CILP2: variants seen among roughly 807,000 people sequenced by gnomAD.
CILP2 encodes the protein cartilage intermediate layer protein 2, also known as CILP-2.
A neutral mutation model predicts 45.6 loss-of-function variants in CILP2; 38 were observed. That is an observed-to-expected ratio of 0.83 (90% confidence interval 0.64 to 1.09). CILP2 has a LOEUF of 1.09. Ranked by LOEUF, CILP2 falls within the 50% of genes least tolerant of loss-of-function variation. The pLI, the probability that CILP2 is intolerant of heterozygous loss-of-function variation, is 0.00. For synonymous variants in CILP2, 780 were observed against 723.5 expected (o/e 1.08, Z -1.25); for missense variants, 1,735 against 1,662.2 (o/e 1.04, Z -0.76).
Position 19,543,313 on chromosome 19 carries a change from G to A in CILP2, c.1043G>A (p.Gly348Glu), listed in dbSNP as rs756635511. The A allele has an allele frequency of 4.3e-6, 7 of 1,613,606 alleles. No individual in the cohort carries two copies. The highest frequency in any genetic ancestry group is 1.3e-5 in the African/African-American group (1 of 74,938). ...HGYGAHLELRGLRPDQAGIYH... is the reference protein window; with the variant it reads ...HGYGAHLELRELRPDQAGIYH... ...TACGGGGCCCACCTGGAGCTGCGGG[G>A]ACTGCGCCCAGACCAGGCTGGCATC... Residue 348 changes from glycine (G) to glutamate (E), a missense_variant, in exon 7 of 8, where the codon GGA becomes GAA. Transcript: ENST00000291495.
intron 3 of CILP2, 125 bp from the exon 4 acceptor site, chr19:19,540,966 A>G: frequency 1.1e-6 from 1 of 896,916 alleles, no homozygotes; most frequent in Non-Finnish European, 1.5e-6. Flanking sequence ...TGCTCTCTGG[A>G]GTGTCCGCCC....
At position 19,544,322 on chromosome 19, in the gene CILP2, A is replaced by C. The variant is rs1187679253; in HGVS notation, c.1777A>C (p.Arg593=). 6.2e-7 allele frequency: 1 copy of C among 1,612,420 alleles called. No homozygotes were observed. The highest frequency in any genetic ancestry group is 8.5e-7 in the Non-Finnish European group (1 of 1,179,942). ...ELVLPSGAFR[R]ADGKPYSGPV... is the part of the protein sequence containing the mutation. ...GGTCCTGCCTTCTGGCGCTTTCCGC[A>C]GAGCCGACGGCAAACCCTACTCGGG... The change falls in exon 8 of 8, where the codon AGA becomes CGA. Residue 593 remains arginine, a synonymous_variant. Coordinates refer to ENST00000291495, the MANE Select transcript of CILP2 (RefSeq NM_153221.2).
At chr19:19,542,833 A>G in intron 5 of CILP2, 31 bp from the exon 6 acceptor site, 1 of 1,585,304 alleles carries the variant, frequency 6.3e-7, no homozygotes, top group Non-Finnish European at 8.7e-7. Context: ...TGGGTGGGAG[A>G]AGCTCTGATC....
Position 19,540,305 on chromosome 19 carries a change from G to A in CILP2, c.265G>A (p.Val89Met), listed in dbSNP as rs1448957736. The A allele has an allele frequency of 1.9e-6, 3 of 1,587,054 alleles. No homozygotes were observed. Among genetic ancestry groups the A allele is most frequent in the Non-Finnish European group, 8.5e-7 (1 of 1,171,050 alleles). Residue 89 changes from valine (V) to methionine (M), a missense_variant, in exon 3 of 8, where the codon GTG becomes ATG. Coordinates refer to ENST00000291495, the MANE Select transcript of CILP2 (RefSeq NM_153221.2). The stretch of plus-strand genomic sequence containing the variant: ...CCGCTTCTACTACGGGCCAGCGCGC[G>A]TGTGCCCGCGACCGCTGGCGCTGGA... ...AIRFYYGPAR[V>M]CPRPLALEAR...
chr19:19,543,588 A>G (rs1171878221), intron 7 of CILP2, 93 bp from the exon 8 acceptor site: 1 of 1,398,956 alleles, frequency 7.1e-7, no homozygotes, highest in African/African-American at 1.4e-5. Flanking sequence ...CCTGTCCCTT[A>G]GGTGGAGTCC....
In CILP2 at chr19:19,544,436, G is replaced by T. The variant is rs1221475168; in HGVS notation, c.1891G>T (p.Asp631Tyr). The T allele has an allele frequency of 1.2e-5, 20 of 1,609,886 alleles. No individual in the cohort carries two copies. The highest frequency in any genetic ancestry group is 1.7e-5 in the Non-Finnish European group (20 of 1,179,680). ...CAGTGACCTGCGCTTCGTGGACAGC[G>T]ACGGCGAGCTGGCTCCACTGCGCAC... ...APSDLRFVDS[D>Y]GELAPLRTYG... Residue 631 changes from aspartate (D) to tyrosine (Y), a missense_variant, in exon 8 of 8, where the codon GAC becomes TAC. Physicochemically the swap from Asp to Tyr is radical, Grantham distance 160. Transcript: ENST00000291495.
chr19:19,538,379 C>G lies in CILP2; in HGVS notation c.30C>G (p.Leu10=), dbSNP rs2061230450. 8.3e-6 allele frequency: 13 copies of G among 1,573,216 alleles called. No homozygotes were observed. The highest frequency in any genetic ancestry group is 1.4e-5 in the African/African-American group (1 of 71,504). Residue 10 remains leucine, a synonymous_variant, in exon 1 of 8, where the codon CTC becomes CTG. Coordinates refer to ENST00000291495, the MANE Select transcript of CILP2 (RefSeq NM_153221.2). The part of the protein sequence containing the change: MASLLPLLC[L]CVVAAHLAGA... ...CGTCGCTGCTGCCACTGCTCTGTCT[C>G]TGTGTCGTCGCTGCGCACCTGGCGG... is the stretch of plus-strand genomic sequence containing the variant.
At chr19:19,540,689 G>C in intron 3 of CILP2, 2 of 588,406 alleles carry the variant, frequency 3.4e-6, no homozygotes, top group East Asian at 3.3e-5. Flanking sequence ...GGAACAGCGC[G>C]GGGCCCAAGT....
intron 4 of CILP2, among the ~76,000 whole-genome samples, chr19:19,542,167 T>C (rs1218161571): frequency 6.6e-6 from 1 of 152,180 alleles, no homozygotes; most frequent in Non-Finnish European, 1.5e-5. Flanking sequence ...TGGATCCCAG[T>C]TCCTATGCCC....
At chr19:19,542,274 G>A (rs1468330602) in intron 4 of CILP2, 101 bp from the exon 5 acceptor site, 8 of 1,407,968 alleles carry the variant, frequency 5.7e-6, no homozygotes, top group Non-Finnish European at 7.6e-6. Context: ...CTTATGGGGG[G>A]GCCCCAGGCA....
In CILP2 at chr19:19,543,871, T is replaced by A. The variant is rs1323009875; in HGVS notation, c.1326T>A (p.Arg442=). The A allele has an allele frequency of 6.2e-7, 1 of 1,613,824 alleles. No homozygotes were observed. Among genetic ancestry groups the A allele is most frequent in the East Asian group, 2.2e-5 (1 of 44,862 alleles). Residue 442 remains arginine (R), a synonymous_variant, in exon 8 of 8, where the codon CGT becomes CGA. Transcript: ENST00000291495. The stretch of plus-strand genomic sequence containing the variant: ...GCTCCCGCTGCTGCTCTGTGCGCCG[T>A]CTGGAGAGAAGGGAGATTCACTGCC... ...DASSRCCSVR[R]LERREIHCPG... is the part of the protein sequence containing the mutation.
At position 19,539,582 on chromosome 19, in the gene CILP2, G is replaced by T. The variant is rs886677283; in HGVS notation, c.65-97G>T. On this transcript the variant is annotated intron_variant, in intron 1 of 7. Coordinates refer to ENST00000291495, the MANE Select transcript of CILP2 (RefSeq NM_153221.2). Reference sequence around the variant, plus strand: ...CCGTCTCAAAAAAAAAAAAAAAAAGGGGGGGGATGATCGTGGCTGCACCTT... The same window carrying T: ...CCGTCTCAAAAAAAAAAAAAAAAAGTGGGGGGATGATCGTGGCTGCACCTT... The T allele has an allele frequency of 2.0e-3, 1,420 of 703,384 alleles. 11 individuals are homozygous for T. The highest frequency in any genetic ancestry group is 2.4e-3 in the Non-Finnish European group (1,102 of 463,236). 43.6% of individuals were successfully genotyped at this position (703,384 alleles called of 1,614,324 possible). A position where few individuals can be genotyped will look rare whatever the true frequency, so the allele number is the denominator to read the frequency against.
At chr19:19,540,943 G>T (rs1236864336) in intron 3 of CILP2, 148 bp from the exon 4 acceptor site, 1 of 738,460 alleles carries the variant, frequency 1.4e-6, no homozygotes, top group East Asian at 3.4e-5. Context: ...ATGGGTGGGG[G>T]CGATGGCAGA....
Position 19,545,815 on chromosome 19 carries a change from A to G in CILP2, c.3270A>G (p.Arg1090=). The G allele has an allele frequency of 1.3e-6, 2 of 1,590,766 alleles. No individual in the cohort carries two copies. Among genetic ancestry groups the G allele is most frequent in the Non-Finnish European group, 1.7e-6 (2 of 1,164,782 alleles). Residue 1090 remains arginine (R), a synonymous_variant, in exon 8 of 8, where the codon AGA becomes AGG. Transcript: ENST00000291495. ...ATGGTTCCTCTGACGGCTTCTCCAGAGAGATGAAGGCTGATGCCGGCACAG... is the reference window on the plus strand; with the variant it reads ...ATGGTTCCTCTGACGGCTTCTCCAGGGAGATGAAGGCTGATGCCGGCACAG... ...CFDGSSDGFS[R]EMKADAGTAV... is the part of the protein sequence containing the mutation.
At position 19,544,946 on chromosome 19, in the gene CILP2, A is replaced by G; in HGVS notation, c.2401A>G (p.Arg801Gly). The stretch of plus-strand genomic sequence containing the variant: ...CCTCCCCGCCTTCTGCGACGCCGAC[A>G]GGCCAGACGCCTACACCGCCCTGGT... ...ACLPAFCDAD[R>G]PDAYTALVTA... The change falls in exon 8 of 8, where the codon AGG becomes GGG. Residue 801 changes from arginine to glycine, a missense_variant. Physicochemically the swap from Arg to Gly is moderately radical, Grantham distance 125 (BLOSUM62 -2). Coordinates refer to ENST00000291495, the MANE Select transcript of CILP2 (RefSeq NM_153221.2). 6.3e-7 allele frequency: 1 copy of G among 1,594,580 alleles called. No individual in the cohort carries two copies. The highest frequency in any genetic ancestry group is 1.7e-4 in the Middle Eastern group (1 of 5,936).
Position 19,544,945 on chromosome 19 carries a change from C to A in CILP2, c.2400C>A (p.Asp800Glu), listed in dbSNP as rs771051526. The change falls in exon 8 of 8, where the codon GAC becomes GAA. Residue 800 changes from aspartate (D) to glutamate (E), a missense_variant. By Grantham distance (45) the Asp-to-Glu change is conservative. Transcript: ENST00000291495. ...GCCTCCCCGCCTTCTGCGACGCCGA[C>A]AGGCCAGACGCCTACACCGCCCTGG... is the stretch of plus-strand genomic sequence containing the variant. ...GACLPAFCDA[D>E]RPDAYTALVT... 28 of 1,594,664 alleles carry A rather than the reference C, an allele frequency of 1.8e-5. No homozygotes were observed. The highest frequency in any genetic ancestry group is 2.3e-5 in the Non-Finnish European group (27 of 1,177,430).
Position 19,543,997 on chromosome 19 carries a change from C to G in CILP2, c.1452C>G (p.Ser484=). Residue 484 remains serine, a synonymous_variant, in exon 8 of 8, where the codon TCC becomes TCG. Transcript: ENST00000291495. ...LVRGRVVAAD[S]GEPLRFARIL... ...GGGGCCGTGTTGTGGCTGCTGACTC[C>G]GGGGAGCCGCTACGCTTCGCCAGGA... The G allele has an allele frequency of 6.2e-7, 1 of 1,613,116 alleles. No homozygotes were observed. Among genetic ancestry groups the G allele is most frequent in the Non-Finnish European group, 8.5e-7 (1 of 1,179,752 alleles).
Position 19,540,362 on chromosome 19 carries a change from G to A in CILP2, c.322G>A (p.Ala108Thr). 1.9e-6 allele frequency: 3 copies of A among 1,548,298 alleles called. No homozygotes were observed. Among genetic ancestry groups the A allele is most frequent in the South Asian group, 2.3e-5 (2 of 85,658 alleles). ...ARTTDWALPS[A>T]VGERVHLNPT... ...CACCACGGACTGGGCCCTGCCGTCC[G>A]CCGTCGGCGAGCGCGTGCACTTGAA... Residue 108 changes from alanine to threonine, a missense_variant, in exon 3 of 8, where the codon GCC becomes ACC. Transcript: ENST00000291495.
In CILP2 at chr19:19,544,255, C is replaced by CCCCCTGGGCGAGCTGGAAGATGAGGCG. The variant is rs1568369991; in HGVS notation, c.1727_1753dup (p.Glu576_Leu584dup). 4.3e-6 allele frequency: 7 copies of CCCCCTGGGCGAGCTGGAAGATGAGGCG among 1,613,640 alleles called. No homozygotes were observed. Among genetic ancestry groups the CCCCCTGGGCGAGCTGGAAGATGAGGCG allele is most frequent in the South Asian group, 1.1e-5 (1 of 91,090 alleles). On this transcript the variant is annotated inframe_insertion, in exon 8 of 8. Coordinates refer to ENST00000291495, the MANE Select transcript of CILP2 (RefSeq NM_153221.2). The stretch of plus-strand genomic sequence containing the variant: ...TACATACCAGCCAGAGCAACACGAT[C>CCCCCTGGGCGAGCTGGAAGATGAGGCG]CCCCTGGGCGAGCTGGAAGATGAGG...
Sources: gnomAD v4.1 joint callset for allele counts (sites outside exome capture counted in the v4.1 genomes callset) on GRCh38, gnomAD v4.1.1 for gene constraint, MANE v1.5 for transcripts, NCBI Gene and HGNC (gene_info 2026-07-23, HGNC 2026-07-21) for gene names.